Variants in FAM193A observed in about 807,000 individuals in gnomAD.
The protein encoded by FAM193A is protein FAM193A.
In FAM193A, 22 loss-of-function variants were observed where a neutral mutation model predicts 126.5. The ratio of observed to expected loss-of-function variants is 0.17; its 90% CI spans 0.12 to 0.25. The LOEUF is 0.25. FAM193A is among the 10% of genes least tolerant of loss of function. The probability of loss-of-function intolerance (pLI) is 1.00; values close to 1 mark genes in which losing one functional copy is unlikely to be tolerated. For synonymous variants in FAM193A, 761 were observed against 646.8 expected (o/e 1.18, Z -2.68); for missense variants, 1,675 against 1,672.8 (o/e 1.00, Z -0.02).
intron 1 of FAM193A, among the ~76,000 whole-genome samples, chr4:2,546,718 G>A (rs1241009466): frequency 6.6e-6 from 1 of 152,134 alleles, no homozygotes; most frequent in African/African-American, 2.4e-5. Flanking sequence ...TATAAATAGA[G>A]TTGCCATAAA....
In FAM193A at chr4:2,643,757, C is replaced by T. The variant is rs190282451; in HGVS notation, c.1164-2928C>T. ...CAGTTTGGCCACCTCCATCCTCTGT[C>T]CTGCCTGAGAATTGGTGGTAGGATC... is the stretch of plus-strand genomic sequence containing the variant. On this transcript the variant is annotated intron_variant, in intron 6 of 20. Coordinates refer to ENST00000637812, the MANE Select transcript of FAM193A (RefSeq NM_001366318.2). Among the ~76,000 whole-genome samples, 207 of 152,322 alleles carry T rather than the reference C, an allele frequency of 1.4e-3. 1 individual carries two copies. Among genetic ancestry groups the T allele is most frequent in the African/African-American group, 4.8e-3 (201 of 41,566 alleles).
chr4:2,546,009 GTGGTA>G (rs1170430614), intron 1 of FAM193A, among the ~76,000 whole-genome samples: 5 of 152,096 alleles, frequency 3.3e-5, no homozygotes, highest in Non-Finnish European at 7.4e-5. Flanking sequence ...TTAGCGGGGT[GTGGTA>G]GCAGGCGCCT....
chr4:2,699,762 A>C lies in FAM193A; in HGVS notation c.3590A>C (p.Glu1197Ala). 6.2e-7 allele frequency: 1 copy of C among 1,613,692 alleles called. No homozygotes were observed. Among genetic ancestry groups the C allele is most frequent in the Non-Finnish European group, 8.5e-7 (1 of 1,179,860 alleles). ...CAGGAGGAGCAGAGGCGGCGGGAGG[A>C]GGAGGAGGATGAGGAAGAAGAGGAG... ...HLQEEQRRRE[E>A]EEDEEEEEDR... is the part of the protein sequence containing the mutation. The change falls in exon 19 of 21, where the codon GAG becomes GCG. Residue 1197 changes from glutamate (E) to alanine (A), a missense_variant. Physicochemically the swap from Glu to Ala is moderately radical, Grantham distance 107. Around this residue, in one of 4 missense-constraint regions of FAM193A, gnomAD observed 415 missense variants for 396.7 expected, o/e 1.05. Coordinates refer to ENST00000637812, the MANE Select transcript of FAM193A (RefSeq NM_001366318.2).
intron 1 of FAM193A, among the ~76,000 whole-genome samples, chr4:2,541,303 G>A (rs917577769): frequency 1.3e-5 from 2 of 151,990 alleles, no homozygotes; most frequent in African/African-American, 4.8e-5. Flanking sequence ...TTGCACTCCA[G>A]CCTGGGCAAC....
intron 10 of FAM193A, among the ~76,000 whole-genome samples, chr4:2,662,454 C>T (rs1464494342): frequency 6.6e-6 from 1 of 152,190 alleles, no homozygotes; most frequent in African/African-American, 2.4e-5. Context: ...AGGTTGCCAT[C>T]GGTACCCCTT....
In FAM193A at chr4:2,730,830, T is replaced by C. The variant is rs186867364; in HGVS notation, c.4455-945T>C. The stretch of plus-strand genomic sequence containing the variant: ...ATCGCTTGAACCTGGGAGGCAGAGG[T>C]TGCAGTGAGCCAAGATCGTGCCACT... On this transcript the variant is annotated intron_variant, in intron 20 of 20. Coordinates refer to ENST00000637812, the MANE Select transcript of FAM193A (RefSeq NM_001366318.2). 9.0e-3 allele frequency among the ~76,000 whole-genome samples: 1,336 copies of C among 148,796 alleles called. 9 individuals carry two copies. The highest frequency in any genetic ancestry group is 0.014 in the Middle Eastern group (4 of 280).
chr4:2,669,286 C>G (rs1453425083), intron 12 of FAM193A, among the ~76,000 whole-genome samples: 1 of 152,128 alleles, frequency 6.6e-6, no homozygotes, highest in Non-Finnish European at 1.5e-5. Context: ...GCAGTTAATT[C>G]TGTTTTTGTG....
At chr4:2,562,588 T>C (rs1348087389) in intron 1 of FAM193A, among the ~76,000 whole-genome samples, 25 of 152,110 alleles carry the variant, frequency 1.6e-4, no homozygotes. Context: ...CATTGAACTT[T>C]ACAAAAGTGG....
chr4:2,575,817 G>A (rs1226997220), intron 1 of FAM193A, among the ~76,000 whole-genome samples: 3 of 152,072 alleles, frequency 2.0e-5, no homozygotes, highest in African/African-American at 7.2e-5. Context: ...CCCTTCACGA[G>A]TACACACCAT....
intron 1 of FAM193A, among the ~76,000 whole-genome samples, chr4:2,580,639 T>A (rs991844370): frequency 2.0e-5 from 3 of 152,168 alleles, no homozygotes; most frequent in East Asian, 3.9e-4. Flanking sequence ...GAAATCTGGT[T>A]GTTAAAAAGA....
chr4:2,716,141 G>A lies in FAM193A; in HGVS notation c.4454+37G>A, dbSNP rs1400457745. 5.3e-6 allele frequency: 7 copies of A among 1,321,368 alleles called. No homozygotes were observed. In the African/African-American group the frequency reaches 7.2e-5, roughly 14 times the overall value. The allele number at this position is 1,321,368 out of a possible 1,614,324, so 81.9% of individuals were successfully genotyped here. The stretch of plus-strand genomic sequence containing the variant: ...GGCTGTGTCTGAAACCGTGGTGACT[G>A]TGTGCTTGCCATACATGTTTGGTTT... On this transcript the variant is annotated intron_variant, in intron 20 of 20. Coordinates refer to ENST00000637812, the MANE Select transcript of FAM193A (RefSeq NM_001366318.2).
chr4:2,651,475 C>T (rs904069659), intron 7 of FAM193A, among the ~76,000 whole-genome samples: 2 of 152,154 alleles, frequency 1.3e-5, no homozygotes, highest in Non-Finnish European at 2.9e-5. Flanking sequence ...AGGCAAGGCA[C>T]GTCTTACACA....
chr4:2,721,955 G>C (rs1560617346), intron 20 of FAM193A, among the ~76,000 whole-genome samples: 1 of 152,168 alleles, frequency 6.6e-6, no homozygotes, highest in Non-Finnish European at 1.5e-5. Context: ...AGTGAAATAA[G>C]AAGCTGTAAG....
chr4:2,700,595 T>C (rs2109311564), intron 19 of FAM193A, 51 bp downstream of exon 19: 3 of 1,568,166 alleles, frequency 1.9e-6, no homozygotes, highest in African/African-American at 1.4e-5. Context: ...TGGTTTTCCA[T>C]GTGTGATGTG....
intron 10 of FAM193A, among the ~76,000 whole-genome samples, chr4:2,662,488 G>A (rs528300495): frequency 2.1e-3 from 324 of 152,316 alleles, no homozygotes; most frequent in Non-Finnish European, 3.7e-3. Context: ...AAATTGTGTT[G>A]TCTTGGGAGT....
chr4:2,558,404 A>G (rs1738396922), intron 1 of FAM193A, among the ~76,000 whole-genome samples: 3 of 152,202 alleles, frequency 2.0e-5, no homozygotes, highest in African/African-American at 7.2e-5. Flanking sequence ...GTTACTAGTT[A>G]GAGTACAGTC....
intron 5 of FAM193A, 54 bp from the exon 6 acceptor site, chr4:2,639,681 A>G (rs987791868): frequency 2.0e-6 from 3 of 1,498,614 alleles, no homozygotes; most frequent in Non-Finnish European, 2.7e-6. Flanking sequence ...GGAATTTTCT[A>G]GTCTTTAGCA....
intron 1 of FAM193A, among the ~76,000 whole-genome samples, chr4:2,587,582 C>A (rs1415449606): frequency 6.6e-6 from 1 of 152,168 alleles, no homozygotes; most frequent in East Asian, 1.9e-4. Context: ...GTTCCAGCTA[C>A]TTGGCAGACT....
intron 12 of FAM193A, among the ~76,000 whole-genome samples, chr4:2,667,197 T>C (rs1248829750): frequency 6.6e-6 from 1 of 152,250 alleles, no homozygotes; most frequent in Non-Finnish European, 1.5e-5. Flanking sequence ...ATGGCATTCT[T>C]CAAGTCTTCT....
Sources: allele counts gnomAD v4.1 joint callset (sites outside exome capture counted in the v4.1 genomes callset), GRCh38; gene constraint gnomAD v4.1.1; regional missense constraint gnomAD v4.1.1; transcripts MANE v1.5; gene names NCBI Gene and HGNC (gene_info 2026-07-23, HGNC 2026-07-21).